Variants in PTPRC observed in about 807,000 individuals in gnomAD.
PTPRC encodes the protein protein tyrosine phosphatase receptor type C, also known as receptor-type tyrosine-protein phosphatase C.
PTPRC carries 44 observed loss-of-function variants against 155.9 expected under a neutral mutation model. That is an observed-to-expected ratio of 0.28 (90% confidence interval 0.22 to 0.36). The LOEUF (loss-of-function observed/expected upper bound fraction) is 0.36, where lower values mean the gene tolerates loss of function less well. Ranked by LOEUF, PTPRC falls within the 10% of genes least tolerant of loss-of-function variation. The probability of loss-of-function intolerance (pLI) is 1.00; values close to 1 mark genes in which losing one functional copy is unlikely to be tolerated. For missense variants in PTPRC, 1,401 were observed against 1,564.6 expected (o/e 0.90, Z 1.76); for synonymous variants, 525 against 533.1 (o/e 0.98, Z 0.21).
At chr1:198,748,244 C>CTCTT in intron 27 of PTPRC, 45 bp downstream of exon 27, 1 of 1,560,280 alleles carries the variant, frequency 6.4e-7, no homozygotes. Flanking sequence ...TAAAGTTAAG[C>CTCTT]TCTTTTGGAT....
At chr1:198,677,565 A>G (rs1229157487) in intron 2 of PTPRC, among the ~76,000 whole-genome samples, 1 of 151,784 alleles carries the variant, frequency 6.6e-6, no homozygotes, top group East Asian at 1.9e-4. Flanking sequence ...GTCTTCCATG[A>G]TTACCCTAAG....
At chr1:198,652,354 C>T (rs929374267) in intron 2 of PTPRC, among the ~76,000 whole-genome samples, 1 of 151,760 alleles carries the variant, frequency 6.6e-6, no homozygotes. Flanking sequence ...AACACAAACA[C>T]TGTATTAGTG....
chr1:198,701,730 G>A (rs970979921), intron 5 of PTPRC, among the ~76,000 whole-genome samples: 2 of 152,226 alleles, frequency 1.3e-5, no homozygotes, highest in African/African-American at 4.8e-5. Context: ...CCACTGTAAT[G>A]TGGAGTTTGT....
At chr1:198,643,170 A>G (rs911190552) in intron 2 of PTPRC, among the ~76,000 whole-genome samples, 1 of 151,662 alleles carries the variant, frequency 6.6e-6, no homozygotes, top group Non-Finnish European at 1.5e-5. Flanking sequence ...GCATTTTTCA[A>G]GTCATTTCAA....
At chr1:198,689,278 G>A (rs957418437) in intron 2 of PTPRC, among the ~76,000 whole-genome samples, 2 of 152,064 alleles carry the variant, frequency 1.3e-5, no homozygotes, top group African/African-American at 4.8e-5. Flanking sequence ...TGTACTGGTT[G>A]GAAACAGTTC....
In PTPRC at chr1:198,703,348, G is replaced by A. The variant is rs200613730; in HGVS notation, c.634G>A (p.Ala212Thr). 4 of 1,612,824 alleles carry A rather than the reference G, an allele frequency of 2.5e-6. No homozygotes were observed. The highest frequency in any genetic ancestry group is 3.3e-5 in the Admixed American group (2 of 60,002). ...ETTTLSPSGSAVISTTTIATT... is the reference protein window; with the variant it reads ...ETTTLSPSGSTVISTTTIATT... The stretch of plus-strand genomic sequence containing the variant: ...AACCACTCTGAGCCCTTCTGGAAGC[G>A]CTGTCATTTCAACCACAACAATAGG... Residue 212 changes from alanine (A) to threonine (T), a missense_variant, in exon 7 of 33, where the codon GCT becomes ACT. Ala to Thr is a moderately conservative substitution (Grantham distance 58). Transcript: ENST00000442510.
chr1:198,708,688 T>C (rs1653128027), intron 10 of PTPRC, among the ~76,000 whole-genome samples: 1 of 152,136 alleles, frequency 6.6e-6, no homozygotes, highest in Admixed American at 6.5e-5. Flanking sequence ...CCATCCTGCA[T>C]CAACAAAATT....
intron 2 of PTPRC, among the ~76,000 whole-genome samples, chr1:198,659,196 G>A (rs896056592): frequency 2.0e-5 from 3 of 152,130 alleles, no homozygotes; most frequent in Admixed American, 6.6e-5. Flanking sequence ...CTAAGAAGGA[G>A]ACACCAGCTT....
intron 14 of PTPRC, among the ~76,000 whole-genome samples, chr1:198,721,514 A>C (rs1240600007): frequency 6.6e-6 from 1 of 152,088 alleles, no homozygotes; most frequent in Non-Finnish European, 1.5e-5. Flanking sequence ...CATTTTGATT[A>C]TTGATGATTT....
chr1:198,679,427 A>G (rs1369333375), intron 2 of PTPRC: 1 of 79,012 alleles, frequency 1.3e-5, no homozygotes, highest in African/African-American at 5.2e-5. Flanking sequence ...GTATTTTTGT[A>G]TTTTTAGTAG....
At chr1:198,651,707 C>T (rs1663261935) in intron 2 of PTPRC, among the ~76,000 whole-genome samples, 1 of 151,824 alleles carries the variant, frequency 6.6e-6, no homozygotes, top group African/African-American at 2.4e-5. Flanking sequence ...TTGTCTTTAA[C>T]ATAAGCAAAT....
intron 16 of PTPRC, among the ~76,000 whole-genome samples, chr1:198,728,856 G>A (rs901190731): frequency 6.6e-6 from 1 of 152,000 alleles, no homozygotes; most frequent in Admixed American, 6.6e-5. Flanking sequence ...AAATCATTTA[G>A]CTACTTATGT....
chr1:198,692,931 T>A (rs1262570758), intron 3 of PTPRC: 3 of 913,048 alleles, frequency 3.3e-6, no homozygotes, highest in Non-Finnish European at 3.9e-6. Flanking sequence ...AACACAGAGA[T>A]GCTGCAAATA....
chr1:198,752,938 G>GAAAT (rs1164122455), intron 31 of PTPRC, among the ~76,000 whole-genome samples, 166 bp downstream of exon 31: 3 of 152,000 alleles, frequency 2.0e-5, no homozygotes, highest in Non-Finnish European at 4.4e-5. Flanking sequence ...AACTATTGTA[G>GAAAT]AAATATAATA....
intron 14 of PTPRC, among the ~76,000 whole-genome samples, chr1:198,721,277 T>TA (rs1292740134): frequency 7.9e-5 from 12 of 152,336 alleles, no homozygotes; most frequent in African/African-American, 2.9e-4. Context: ...GAAGTTGATT[T>TA]ATTAGTATTA....
At chr1:198,744,291 T>C in intron 26 of PTPRC, 88 bp downstream of exon 26, 1 of 1,300,952 alleles carries the variant, frequency 7.7e-7, no homozygotes, top group East Asian at 2.5e-5. Flanking sequence ...GCACTTGACA[T>C]AGTGCTTGCA....
chr1:198,755,058 G>T (rs771919823), intron 32 of PTPRC, among the ~76,000 whole-genome samples: 1 of 152,064 alleles, frequency 6.6e-6, no homozygotes, highest in Non-Finnish European at 1.5e-5. Flanking sequence ...ACCACTTGAG[G>T]CCCAGGCTTA....
intron 23 of PTPRC, among the ~76,000 whole-genome samples, chr1:198,736,862 T>A (rs1291468655): frequency 6.6e-6 from 1 of 151,700 alleles, no homozygotes; most frequent in Non-Finnish European, 1.5e-5. Flanking sequence ...TTCTTGGCTA[T>A]CTTTTATATA....
intron 2 of PTPRC, among the ~76,000 whole-genome samples, chr1:198,666,794 T>A (rs1664337022): frequency 6.6e-6 from 1 of 152,226 alleles, no homozygotes; most frequent in Admixed American, 6.5e-5. Context: ...AAGTTAAACA[T>A]AATCTTGCTT....
Sources: gnomAD v4.1 joint callset for allele counts (sites outside exome capture counted in the v4.1 genomes callset) on GRCh38, gnomAD v4.1.1 for gene constraint, MANE v1.5 for transcripts, NCBI Gene and HGNC (gene_info 2026-07-23, HGNC 2026-07-21) for gene names.